ZNF177: variants seen among roughly 807,000 people sequenced by gnomAD.
ZNF177 encodes the protein zinc finger protein 177.
A neutral mutation model predicts 19.4 loss-of-function variants in ZNF177; 17 were observed. The ratio of observed to expected loss-of-function variants is 0.87; its 90% CI spans 0.60 to 1.31. ZNF177 has a LOEUF of 1.31. Ranked by LOEUF, ZNF177 falls within the 40% of genes most tolerant of loss-of-function variation. The pLI, the probability that ZNF177 is intolerant of heterozygous loss-of-function variation, is 0.00. For missense variants in ZNF177, 633 were observed against 561.8 expected (o/e 1.13, Z -1.28); for synonymous variants, 220 against 188.7 (o/e 1.17, Z -1.36).
At chr19:9,368,299 T>C (rs1300535763) in intron 2 of ZNF177, among the ~76,000 whole-genome samples, 1 of 152,120 alleles carries the variant, frequency 6.6e-6, no homozygotes, top group African/African-American at 2.4e-5. Flanking sequence ...GCATTCACAG[T>C]GTTACTCAAC....
At chr19:9,381,835 T>G in exon 6 of ZNF177, 1 of 1,528,336 alleles carries the variant, frequency 6.5e-7, no homozygotes. Context: ...TTAGAACATA[T>G]ATTGGAGAGA....
chr19:9,381,801 G>T (rs1479713600), exon 6 of ZNF177: 1 of 1,561,290 alleles, frequency 6.4e-7, no homozygotes, highest in Non-Finnish European at 8.6e-7. Flanking sequence ...AGTGTTTGTT[G>T]CCCCTCATGC....
chr19:9,377,596 A>G (rs2068128868), intron 1 of ZNF177, among the ~76,000 whole-genome samples: 1 of 152,178 alleles, frequency 6.6e-6, no homozygotes, highest in African/African-American at 2.4e-5. Context: ...AAAAGTTTAA[A>G]AAGTAAAATC....
At chr19:9,379,560 A>G (rs150955884) in exon 4 of ZNF177, 107 of 1,613,850 alleles carry the variant, frequency 6.6e-5, no homozygotes, top group South Asian at 2.0e-4. Flanking sequence ...CTGATCTCCA[A>G]GGTGGATCAA....
chr19:9,371,359 T>C (rs2068045343), intron 2 of ZNF177, among the ~76,000 whole-genome samples: 1 of 152,220 alleles, frequency 6.6e-6, no homozygotes, highest in African/African-American at 2.4e-5. Context: ...ATCCACTGAT[T>C]TATTGAAGAA....
At chr19:9,379,762 T>G (rs1315091058) in intron 4 of ZNF177, 143 bp downstream of exon 6, 2 of 1,012,590 alleles carry the variant, frequency 2.0e-6, no homozygotes, top group Non-Finnish European at 2.8e-6. Context: ...GTTCATACGT[T>G]CATTTGGTCT....
chr19:9,381,015 A>G (rs533839212), exon 6 of ZNF177: 38 of 1,586,472 alleles, frequency 2.4e-5, no homozygotes, highest in Non-Finnish European at 3.2e-5. Flanking sequence ...TACCTACTGG[A>G]GAGAAAGGTG....
rs190437135 is a variant in ZNF177, at chr19:9,369,579, T to A, written c.-304-2031T>A. Among the ~76,000 whole-genome samples the A allele has an allele frequency of 7.9e-5, 12 of 152,290 alleles. 1 individual carries two copies. Among genetic ancestry groups the A allele is most frequent in the African/African-American group, 2.6e-4 (11 of 41,586 alleles). Reference sequence around the variant, plus strand: ...TTTTTAAACTGCAGAATTTAGCCCATCTGTACACTTACTGTTATTGATACA... The same window carrying A: ...TTTTTAAACTGCAGAATTTAGCCCAACTGTACACTTACTGTTATTGATACA... On this transcript the variant is annotated intron_variant, in intron 2 of 8. Transcript: ENST00000343499.
intron 2 of ZNF177, among the ~76,000 whole-genome samples, chr19:9,368,736 T>C (rs2068011434): frequency 6.6e-6 from 1 of 152,178 alleles, no homozygotes; most frequent in Admixed American, 6.5e-5. Flanking sequence ...AATTCAATTC[T>C]TTTATAAAAG....
At chr19:9,381,318 G>A in exon 6 of ZNF177, 1 of 1,614,024 alleles carries the variant, frequency 6.2e-7, no homozygotes, top group Non-Finnish European at 8.5e-7. Flanking sequence ...ATCTGAATGT[G>A]CACAAAAGAA....
chr19:9,378,519 T>A, intron 2 of ZNF177, 175 bp downstream of exon 4: 1 of 1,014,324 alleles, frequency 9.9e-7, no homozygotes, highest in Non-Finnish European at 1.4e-6. Context: ...GTTCCCACAT[T>A]TGTTAACTTT....
At chr19:9,379,539 G>T in exon 4 of ZNF177, 1 of 1,613,758 alleles carries the variant, frequency 6.2e-7, no homozygotes. Flanking sequence ...TATCAGCTCT[G>T]CAGACACAGT....
chr19:9,378,500 A>ACAGAAGCCTTTCCC, intron 2 of ZNF177, 156 bp downstream of exon 4: 1 of 1,203,076 alleles, frequency 8.3e-7, no homozygotes, highest in Non-Finnish European at 1.1e-6. Flanking sequence ...ATCCCTGGGA[A>ACAGAAGCCTTTCCC]AGGCTTCTGT....
exon 6 of ZNF177, chr19:9,380,871 T>C (rs1387925423): frequency 2.6e-6 from 4 of 1,536,068 alleles, no homozygotes; most frequent in Non-Finnish European, 3.5e-6. Context: ...AATTTACTGA[T>C]TGTAGAAAAG....
chr19:9,379,144 T>C, intron 3 of ZNF177, 56 bp downstream of exon 5: 5 of 1,536,956 alleles, frequency 3.3e-6, no homozygotes, highest in Non-Finnish European at 3.5e-6. Context: ...CTTAAGCACA[T>C]ATTATGTTCC....
intron 1 of ZNF177, among the ~76,000 whole-genome samples, chr19:9,364,046 T>G (rs1351639252): frequency 6.6e-6 from 1 of 152,188 alleles, no homozygotes; most frequent in Admixed American, 6.5e-5. Flanking sequence ...AAATCAGTGG[T>G]TTTTAGTATA....
chr19:9,378,886 G>C, intron 2 of ZNF177, 76 bp from the exon 5 acceptor site: 1 of 1,508,004 alleles, frequency 6.6e-7, no homozygotes, highest in Admixed American at 1.9e-5. Flanking sequence ...AGTCCTGTCA[G>C]CCTCACCCAC....
Position 9,381,211 on chromosome 19 carries a change from A to AT in ZNF177, c.885dup (p.Gln296SerfsTer5). 1 of 1,614,142 alleles carries AT rather than the reference A, an allele frequency of 6.2e-7. No homozygotes were observed. The highest frequency in any genetic ancestry group is 8.5e-7 in the Non-Finnish European group (1 of 1,180,020). ...ATGCAGTGACTGTGGGAAAGCCTTC[A>AT]TTTTTCAGTCTTCCCTTAAGAAACA... is the stretch of plus-strand genomic sequence containing the variant. On this transcript the variant is annotated frameshift_variant, in exon 6 of 6. Transcript: ENST00000589262. LOFTEE classifies it low-confidence loss of function (END_TRUNC).
exon 4 of ZNF177, chr19:9,379,548 G>C: frequency 6.2e-6 from 10 of 1,613,888 alleles, no homozygotes; most frequent in Non-Finnish European, 8.5e-6. Context: ...TGCAGACACA[G>C]TCTGATCTCC....
Sources: gnomAD v4.1 joint callset for allele counts (sites outside exome capture counted in the v4.1 genomes callset) on GRCh38, gnomAD v4.1.1 for gene constraint, MANE v1.5 for transcripts, NCBI Gene and HGNC (gene_info 2026-07-23, HGNC 2026-07-21) for gene names.